DHX9: variants seen among roughly 807,000 people sequenced by gnomAD.
DHX9 encodes the protein ATP-dependent RNA helicase A.
DHX9 carries 27 observed loss-of-function variants against 148.7 expected under a neutral mutation model. The ratio of observed to expected loss-of-function variants is 0.18; its 90% CI spans 0.13 to 0.25. DHX9 has a LOEUF of 0.25. Ranked by LOEUF, DHX9 falls within the 10% of genes least tolerant of loss-of-function variation. DHX9 has a pLI of 1.00. For missense variants in DHX9, 796 were observed against 1,559.6 expected (o/e 0.51, Z 8.25); for synonymous variants, 529 against 516.6 (o/e 1.02, Z -0.33).
intron 3 of DHX9, among the ~76,000 whole-genome samples, chr1:182,846,102 A>AT (rs1192192787): frequency 6.6e-6 from 1 of 152,138 alleles, no homozygotes; most frequent in Non-Finnish European, 1.5e-5. Flanking sequence ...TCTGGTGACC[A>AT]TCCCCCCACA....
intron 15 of DHX9, among the ~76,000 whole-genome samples, chr1:182,873,248 G>A (rs1179312636): frequency 1.3e-5 from 2 of 152,170 alleles, no homozygotes; most frequent in Non-Finnish European, 2.9e-5. Context: ...GAGCCACTGC[G>A]CCCAGCCTTC....
rs140224698 is a variant in DHX9, at chr1:182,856,802, G to A, written c.673+224G>A. Among the ~76,000 whole-genome samples the A allele has an allele frequency of 2.7e-3, 410 of 152,264 alleles. 2 individuals are homozygous for A. Among genetic ancestry groups the A allele is most frequent in the African/African-American group, 9.2e-3 (381 of 41,546 alleles). ...ACCATGTTAGTGTAATCTTTCAAAG[G>A]TAAGACACAGTGGGATGATTAGGAG... is the stretch of plus-strand genomic sequence containing the variant. On this transcript the variant is annotated intron_variant, in intron 7 of 27. Coordinates refer to ENST00000367549, the MANE Select transcript of DHX9 (RefSeq NM_001357.5).
At chr1:182,840,111 G>A (rs920181304) in intron 1 of DHX9, among the ~76,000 whole-genome samples, 1 of 152,124 alleles carries the variant, frequency 6.6e-6, no homozygotes, top group Admixed American at 6.5e-5. Flanking sequence ...AGGAGAATGG[G>A]TTTTAGGGTG....
intron 19 of DHX9, 34 bp downstream of exon 19, chr1:182,876,937 G>A: frequency 6.6e-7 from 1 of 1,514,610 alleles, no homozygotes; most frequent in Non-Finnish European, 9.1e-7. Flanking sequence ...GTCTGCTCCA[G>A]TGTTACTAAC....
chr1:182,883,384 AAAAGTTTACAT>A lies in DHX9; in HGVS notation c.3144+17_3144+27del. On this transcript the variant is annotated intron_variant, in intron 25 of 27. Coordinates refer to ENST00000367549, the MANE Select transcript of DHX9 (RefSeq NM_001357.5). ...TGGTGAAAAGGTAAGAAAAGACTAG[AAAAGTTTACAT>A]TGAAAGTTGAAATTGTCTTTACAAT... The A allele has an allele frequency of 6.2e-7, 1 of 1,606,248 alleles. No homozygotes were observed. The highest frequency in any genetic ancestry group is 1.3e-5 in the African/African-American group (1 of 74,734).
At chr1:182,867,139 CATT>C (rs1452378201) in intron 14 of DHX9, 96 bp downstream of exon 14, 4 of 732,060 alleles carry the variant, frequency 5.5e-6, no homozygotes, top group East Asian at 3.0e-5. Context: ...CCGTTTTTAT[CATT>C]ATCAAAACCA....
rs556858646 is a variant in DHX9 at position 182,846,434 on chromosome 1, A to G, written c.252+3000A>G. Among the ~76,000 whole-genome samples the G allele has an allele frequency of 3.9e-5, 6 of 152,232 alleles. No homozygotes were observed. The East Asian group carries it at 9.7e-4, about 25-fold the overall frequency. On this transcript the variant is annotated intron_variant, in intron 3 of 27. Coordinates refer to ENST00000367549, the MANE Select transcript of DHX9 (RefSeq NM_001357.5). Reference sequence around the variant, plus strand: ...TTTTTAGTAGAGACGGGGTTTCTCCATGTTGGTCAGGCTGGTCTCCAACTC... The same window carrying G: ...TTTTTAGTAGAGACGGGGTTTCTCCGTGTTGGTCAGGCTGGTCTCCAACTC...
Position 182,879,418 on chromosome 1 carries a change from C to T in DHX9, c.2512+8C>T, listed in dbSNP as rs534064512. The T allele has an allele frequency of 6.9e-7, 1 of 1,446,164 alleles. No homozygotes were observed. The highest frequency in any genetic ancestry group is 9.3e-7 in the Non-Finnish European group (1 of 1,080,678). 89.6% of individuals were successfully genotyped at this position (1,446,164 alleles called of 1,614,324 possible). The stretch of plus-strand genomic sequence containing the variant: ...CAGAACACACTCTTAGAGGTACTTA[C>T]AAATACAAACCTACTTGACGCAGAT... On this transcript the variant is annotated splice_region_variant and intron_variant, in intron 21 of 27. Transcript: ENST00000367549.
rs74763955 is a variant in DHX9, at chr1:182,875,189, G to C, written c.1815+235G>C. 108 of 541,754 alleles carry C rather than the reference G, an allele frequency of 2.0e-4. 1 individual carries two copies. Among genetic ancestry groups the C allele is most frequent in the East Asian group, 3.1e-4 (7 of 22,920 alleles). The allele number at this position is 541,754 out of a possible 1,614,324, so 33.6% of individuals were successfully genotyped here. ...TCTGGCGTAAAGATCAAAGGAAAAA[G>C]AAGAAAGAATGCGATGTTTAAAGGC... is the stretch of plus-strand genomic sequence containing the variant. On this transcript the variant is annotated intron_variant, in intron 16 of 27. Coordinates refer to ENST00000367549, the MANE Select transcript of DHX9 (RefSeq NM_001357.5).
intron 15 of DHX9, among the ~76,000 whole-genome samples, chr1:182,873,306 T>C (rs533936533): frequency 1.3e-5 from 2 of 152,274 alleles, no homozygotes; most frequent in African/African-American, 4.8e-5. Flanking sequence ...GATAGTCATC[T>C]GGTAGCTGTG....
chr1:182,870,665 T>C lies in DHX9; in HGVS notation c.1558-1672T>C, dbSNP rs536269674. On this transcript the variant is annotated intron_variant, in intron 14 of 27. Coordinates refer to ENST00000367549, the MANE Select transcript of DHX9 (RefSeq NM_001357.5). ...TCAATTCCATATAGATTGAGAACTT[T>C]AAACGTGTTGACACATGAAAGAGTT... 3.9e-5 allele frequency among the ~76,000 whole-genome samples: 6 copies of C among 152,334 alleles called. No individual in the cohort carries two copies. In the East Asian group the frequency reaches 9.6e-4, roughly 24 times the overall value.
intron 1 of DHX9, among the ~76,000 whole-genome samples, chr1:182,841,652 G>A (rs111609372): frequency 1.1e-4 from 17 of 152,352 alleles, no homozygotes; most frequent in Middle Eastern, 3.4e-3. Flanking sequence ...AACGTGAAAC[G>A]TGAAGCAGAC....
At chr1:182,855,146 A>G (rs1174951009) in intron 6 of DHX9, among the ~76,000 whole-genome samples, 1 of 152,160 alleles carries the variant, frequency 6.6e-6, no homozygotes, top group Non-Finnish European at 1.5e-5. Context: ...GAATTCTCAG[A>G]TATTTCTGGT....
chr1:182,869,372 C>A (rs1028838882), intron 14 of DHX9, among the ~76,000 whole-genome samples: 8 of 151,908 alleles, frequency 5.3e-5, no homozygotes, highest in African/African-American at 1.9e-4. Context: ...TAATCTAGTC[C>A]GGATAGGTCT....
At chr1:182,843,215 A>G (rs1002952059) in intron 2 of DHX9, 79 bp from the exon 3 acceptor site, 19 of 1,150,094 alleles carry the variant, frequency 1.7e-5, no homozygotes, top group Non-Finnish European at 2.2e-5. Flanking sequence ...TTGTCTCTTA[A>G]TGGACTACTG....
At position 182,879,251 on chromosome 1, in the gene DHX9, C is replaced by T. The variant is rs745537265; in HGVS notation, c.2353C>T (p.Leu785Phe). The T allele has an allele frequency of 1.4e-6, 2 of 1,457,380 alleles. No homozygotes were observed. Among genetic ancestry groups the T allele is most frequent in the Non-Finnish European group, 1.8e-6 (2 of 1,083,922 alleles). 90.3% of individuals were successfully genotyped at this position (1,457,380 alleles called of 1,614,324 possible). A position where few individuals can be genotyped will look rare whatever the true frequency, so the allele number is the denominator to read the frequency against. Residue 785 changes from leucine to phenylalanine, a missense_variant and splice_region_variant, in exon 21 of 28, where the codon CTT becomes TTT. Around this residue, in one of 14 missense-constraint regions of DHX9, gnomAD observed 122 missense variants for 289.3 expected, o/e 0.42. Transcript: ENST00000367549. Reference sequence around the variant, plus strand: ...TATTTTATGCTTATTTTCTCTTAGACTTGAAACCCACATGACACCAGAGAT... The same window carrying T: ...TATTTTATGCTTATTTTCTCTTAGATTTGAAACCCACATGACACCAGAGAT... The part of the protein sequence containing the change: ...HLCSRARFER[L>F]ETHMTPEMFR...
chr1:182,876,578 G>T (rs777455215), intron 18 of DHX9, 37 bp downstream of exon 18: 17 of 1,548,334 alleles, frequency 1.1e-5, no homozygotes, highest in Non-Finnish European at 1.5e-5. Context: ...GATTGGAAGT[G>T]ACGTAGATAC....
intron 14 of DHX9, among the ~76,000 whole-genome samples, chr1:182,868,552 T>C (rs1445266636): frequency 7.2e-6 from 1 of 138,118 alleles, no homozygotes; most frequent in Non-Finnish European, 1.5e-5. Flanking sequence ...CTTGCCCTTG[T>C]TACCTAGGCT....
chr1:182,881,699 C>T (rs1022703006), intron 24 of DHX9, 52 bp downstream of exon 24: 1 of 1,516,052 alleles, frequency 6.6e-7, no homozygotes, highest in African/African-American at 1.4e-5. Context: ...TTATATAGTA[C>T]ATGCAAATTG....
Sources: allele counts gnomAD v4.1 joint callset (sites outside exome capture counted in the v4.1 genomes callset), GRCh38; gene constraint gnomAD v4.1.1; regional missense constraint gnomAD v4.1.1; transcripts MANE v1.5; gene names NCBI Gene and HGNC (gene_info 2026-07-23, HGNC 2026-07-21).